HSDL1: variants seen among roughly 807,000 people sequenced by gnomAD.
HSDL1 encodes the protein inactive hydroxysteroid dehydrogenase-like protein 1.
Under a neutral mutation model 31.5 loss-of-function variants are expected in HSDL1, and 29 were observed. The ratio of observed to expected loss-of-function variants is 0.92; its 90% confidence interval spans 0.69 to 1.26. The LOEUF (loss-of-function observed/expected upper bound fraction) is 1.26, where lower values mean the gene tolerates loss of function less well. HSDL1 is among the 50% of genes most tolerant of loss of function. HSDL1 has a pLI of 0.00. For synonymous variants in HSDL1, 222 were observed against 155.2 expected, an observed-to-expected ratio of 1.43 and a Z score of -3.20; for missense variants, 503 against 416.6, an observed-to-expected ratio of 1.21 and a Z score of -1.81.
rs191545346 is a variant in HSDL1 at position 84,124,221 on chromosome 16, T to G, written c.*409A>C. The G allele has an allele frequency of 1.7e-4, 29 of 166,798 alleles. No individual in the cohort carries two copies. The highest frequency in any genetic ancestry group is 7.6e-4 in the Admixed American group (13 of 17,160). 10.3% of individuals were successfully genotyped at this position (166,798 alleles called of 1,614,324 possible). On this transcript the variant is annotated 3_prime_UTR_variant, in exon 6 of 6. Transcript: ENST00000219439. The stretch of plus-strand genomic sequence containing the variant: ...AAATAATACTTTTCAGTAGTCTTTC[T>G]TGATGCACATTTAAAAACCAGCACA...
intron 2 of HSDL1, among the ~76,000 whole-genome samples, chr16:84,131,532 T>TCTATCTAC (rs770760708): frequency 6.7e-6 from 1 of 148,984 alleles, no homozygotes; most frequent in African/African-American, 2.5e-5. Flanking sequence ...TATCTATCTA[T>TCTATCTAC]CAGACAGAGT....
Position 84,130,369 on chromosome 16 carries a change from T to C in HSDL1, c.283A>G (p.Ile95Val). 6.2e-7 allele frequency: 1 copy of C among 1,614,114 alleles called. No individual in the cohort carries two copies. Among genetic ancestry groups the C allele is most frequent in the Non-Finnish European group, 8.5e-7 (1 of 1,180,042 alleles). The change falls in exon 4 of 6, where the codon ATC becomes GTC. Residue 95 changes from isoleucine (I) to valine (V), a missense_variant. By Grantham distance (29) the Ile-to-Val change is conservative. Coordinates refer to ENST00000219439, the MANE Select transcript of HSDL1 (RefSeq NM_031463.5). ...EELASRGLNI[I>V]LISRNEEKLQ... ...TTCTCCTCGTTCCGACTAATCAGGA[T>C]TATATTGAGACCTCGGCTTGCTAAC...
rs1000367900 is a variant in HSDL1 at position 84,123,724 on chromosome 16, A to G, written c.*906T>C. ...AGGAAAACCAGATATAACAAGCTCT[A>G]AAGGGCTAAATTTCAGTTATAAAAT... On this transcript the variant is annotated 3_prime_UTR_variant, in exon 6 of 6. Transcript: ENST00000219439. 1.3e-5 allele frequency: 2 copies of G among 152,606 alleles called. No homozygotes were observed. Among genetic ancestry groups the G allele is most frequent in the African/African-American group, 4.8e-5 (2 of 41,460 alleles). The allele number at this position is 152,606 out of a possible 1,614,324, so 9.5% of individuals were successfully genotyped here.
At chr16:84,125,979 T>G (rs1336835959) in intron 5 of HSDL1, among the ~76,000 whole-genome samples, 1 of 151,882 alleles carries the variant, frequency 6.6e-6, no homozygotes, top group African/African-American at 2.4e-5. Flanking sequence ...GGCGGGAGCC[T>G]GTAGTCCCAG....
chr16:84,125,833 C>T (rs1168586588), intron 5 of HSDL1, among the ~76,000 whole-genome samples: 1 of 152,176 alleles, frequency 6.6e-6, no homozygotes, highest in Non-Finnish European at 1.5e-5. Flanking sequence ...GCTGGGCACG[C>T]TGGCTCATGC....
intron 1 of HSDL1, among the ~76,000 whole-genome samples, chr16:84,136,470 T>C (rs1222378392): frequency 1.3e-5 from 2 of 152,264 alleles, no homozygotes; most frequent in African/African-American, 2.4e-5. Flanking sequence ...CTACCAAGTC[T>C]CTGGCTGCAG....
chr16:84,143,048 T>C (rs2086782775), intron 1 of HSDL1, among the ~76,000 whole-genome samples: 1 of 152,206 alleles, frequency 6.6e-6, no homozygotes. Context: ...CACCATCATG[T>C]CTGTATTTAT....
chr16:84,140,937 A>T (rs1301054115), intron 1 of HSDL1, among the ~76,000 whole-genome samples: 4 of 151,948 alleles, frequency 2.6e-5, no homozygotes, highest in Admixed American at 1.3e-4. Flanking sequence ...TAAAAATACA[A>T]AAAATTAGCC....
chr16:84,125,753 G>T (rs747217458), intron 5 of HSDL1, among the ~76,000 whole-genome samples: 10 of 152,220 alleles, frequency 6.6e-5, no homozygotes, highest in Non-Finnish European at 7.3e-5. Flanking sequence ...TGTCCTGCAT[G>T]TAAATACAAT....
At chr16:84,131,530 T>TATCA (rs1555517127) in intron 2 of HSDL1, among the ~76,000 whole-genome samples, 3 of 146,142 alleles carry the variant, frequency 2.1e-5, no homozygotes, top group African/African-American at 7.6e-5. Context: ...TCTATCTATC[T>TATCA]ATCAGACAGA....
chr16:84,130,160 C>G lies in HSDL1; in HGVS notation c.492G>C (p.Gln164His), dbSNP rs764993576. Residue 164 changes from glutamine to histidine, a missense_variant, in exon 4 of 6, where the codon CAG (glutamine) becomes CAC (histidine). Physicochemically the swap from Gln to His is conservative, Grantham distance 24. Coordinates refer to ENST00000219439, the MANE Select transcript of HSDL1 (RefSeq NM_031463.5). ...TGTCCCAGAGCTTGTCCTCGGACAG[C>G]TGAGTGAAATACTGCGGGTAGGGAT... Reference protein sequence around the residue: ...VFYPYPQYFTQLSEDKLWDII... With the variant: ...VFYPYPQYFTHLSEDKLWDII... 3 of 1,614,066 alleles carry G rather than the reference C, an allele frequency of 1.9e-6. No individual in the cohort carries two copies. Among genetic ancestry groups the G allele is most frequent in the Admixed American group, 1.7e-5 (1 of 60,008 alleles).
intron 1 of HSDL1, among the ~76,000 whole-genome samples, chr16:84,135,992 C>T (rs926560554): frequency 7.2e-5 from 11 of 152,356 alleles, no homozygotes; most frequent in African/African-American, 2.4e-4. Context: ...CAGCTGTCCT[C>T]GGTGCCTTTT....
chr16:84,137,557 G>C (rs2086724289), intron 1 of HSDL1, among the ~76,000 whole-genome samples: 1 of 152,176 alleles, frequency 6.6e-6, no homozygotes, highest in African/African-American at 2.4e-5. Context: ...TGGGGATGAA[G>C]GAGGGCCACA....
chr16:84,137,508 C>G (rs994568207), intron 1 of HSDL1, among the ~76,000 whole-genome samples: 3 of 152,152 alleles, frequency 2.0e-5, no homozygotes, highest in Non-Finnish European at 2.9e-5. Context: ...GGTAACGCAG[C>G]AGGGGAGGAG....
At chr16:84,125,711 C>T (rs1220531588) in intron 5 of HSDL1, among the ~76,000 whole-genome samples, 1 of 152,254 alleles carries the variant, frequency 6.6e-6, no homozygotes, top group Non-Finnish European at 1.5e-5. Context: ...GACCACCACC[C>T]ACCTACCCGA....
intron 1 of HSDL1, among the ~76,000 whole-genome samples, chr16:84,144,124 C>T (rs1249367880): frequency 6.7e-6 from 1 of 149,362 alleles, no homozygotes; most frequent in Non-Finnish European, 1.5e-5. Context: ...ATTGAGAGCT[C>T]ACTTTATGCA....
At position 84,123,100 on chromosome 16, in the gene HSDL1, G is replaced by A. The variant is rs1318284088; in HGVS notation, c.*1530C>T. The A allele has an allele frequency of 6.6e-6, 1 of 152,194 alleles. No homozygotes were observed. Among genetic ancestry groups the A allele is most frequent in the Non-Finnish European group, 1.5e-5 (1 of 68,032 alleles). 9.4% of individuals were successfully genotyped at this position (152,194 alleles called of 1,614,324 possible). A position where few individuals can be genotyped will look rare whatever the true frequency, so the allele number is the denominator to read the frequency against. ...CTTGGGGCTCACAGCATCTCCCAGT[G>A]TGTAGATTTTCACATCTAAGTTCTG... On this transcript the variant is annotated 3_prime_UTR_variant, in exon 6 of 6. Coordinates refer to ENST00000219439, the MANE Select transcript of HSDL1 (RefSeq NM_031463.5).
rs1318878385 is a variant in HSDL1 at position 84,131,241 on chromosome 16, C to G, written c.81G>C (p.Leu27Phe). The G allele has an allele frequency of 1.2e-6, 2 of 1,613,982 alleles. No homozygotes were observed. Among genetic ancestry groups the G allele is most frequent in the Admixed American group, 1.7e-5 (1 of 59,988 alleles). Reference protein sequence around the residue: ...SCNCYMEALALVGAWYTARKS... With the variant: ...SCNCYMEALAFVGAWYTARKS... The stretch of plus-strand genomic sequence containing the variant: ...TTCTGGCCGTATACCAGGCTCCAAC[C>G]AAAGCTAGAGCTTCCATATAGCAAT... The change falls in exon 3 of 6, where the codon TTG becomes TTC. Residue 27 changes from leucine to phenylalanine, a missense_variant. Transcript: ENST00000219439.
chr16:84,137,956 T>A (rs1046872577), intron 1 of HSDL1, among the ~76,000 whole-genome samples: 1 of 151,458 alleles, frequency 6.6e-6, no homozygotes, highest in South Asian at 2.1e-4. Context: ...TGCTACGGTC[T>A]GAGCGTTCCG....
Sources: gnomAD v4.1 joint callset for allele counts (sites outside exome capture counted in the v4.1 genomes callset) on GRCh38, gnomAD v4.1.1 for gene constraint, MANE v1.5 for transcripts, NCBI Gene and HGNC (gene_info 2026-07-23, HGNC 2026-07-21) for gene names.